Variants in ATOH8 observed in about 807,000 individuals in gnomAD.
The protein encoded by ATOH8 is transcription factor ATOH8.
In ATOH8, 9 loss-of-function variants were observed where a neutral mutation model predicts 21.2. That is an observed-to-expected ratio of 0.42 (90% CI 0.26 to 0.74). ATOH8 has a LOEUF of 0.74. Among genes scored for constraint, ATOH8 ranks in the 30% least tolerant of loss-of-function variants. The probability of loss-of-function intolerance (pLI) is 0.24; values close to 1 mark genes in which losing one functional copy is unlikely to be tolerated. For synonymous variants in ATOH8, 253 were observed against 224.0 expected, an observed-to-expected ratio of 1.13 and a Z score of -1.16; for missense variants, 524 against 470.9, an observed-to-expected ratio of 1.11 and a Z score of -1.04.
chr2:85,765,636 C>G (rs1431396564), intron 2 of ATOH8, among the ~76,000 whole-genome samples: 1 of 152,122 alleles, frequency 6.6e-6, no homozygotes, highest in Non-Finnish European at 1.5e-5. Flanking sequence ...TTCAGGCGGT[C>G]CGGAGGTGTA....
chr2:85,760,741 G>A (rs950549733), intron 1 of ATOH8: 3 of 152,246 alleles, frequency 2.0e-5, no homozygotes, highest in Admixed American at 1.3e-4. Context: ...GGTGGCCTGG[G>A]CCCAACAGTC....
At chr2:85,775,354 G>C (rs1680294285) in intron 2 of ATOH8, 1 of 963,910 alleles carries the variant, frequency 1.0e-6, no homozygotes, top group Non-Finnish European at 1.2e-6. Context: ...TTCCCTTCTA[G>C]GGAAGGATTA....
At chr2:85,755,675 T>TG (rs1035613880) in intron 1 of ATOH8, among the ~76,000 whole-genome samples, 2 of 152,084 alleles carry the variant, frequency 1.3e-5, no homozygotes, top group African/African-American at 4.8e-5. Flanking sequence ...CTTTTTAGTT[T>TG]GGGGCTGGTG....
At chr2:85,764,309 C>T (rs1246961363) in intron 2 of ATOH8, 127 bp downstream of exon 2, 2 of 1,221,178 alleles carry the variant, frequency 1.6e-6, no homozygotes, top group Admixed American at 4.9e-5. Flanking sequence ...TGGAGGTTTG[C>T]TGGGAGTTGC....
At chr2:85,765,260 G>A (rs1255923114) in intron 2 of ATOH8, among the ~76,000 whole-genome samples, 1 of 152,136 alleles carries the variant, frequency 6.6e-6, no homozygotes, top group Middle Eastern at 3.2e-3. Flanking sequence ...TTCCTTCCTG[G>A]CCTGCCCCTC....
At position 85,788,665 on chromosome 2, in the gene ATOH8, G is replaced by A. The variant is rs1680688763; in HGVS notation, c.*1775G>A. On this transcript the variant is annotated 3_prime_UTR_variant, in exon 3 of 3. Transcript: ENST00000306279. ...GGCCAAGGAAAGGGGGATAGGAGGG[G>A]ACCGGAGGCTGCAGCCATACAGGAC... Among the ~76,000 whole-genome samples, 1 of 152,200 alleles carries A rather than the reference G, an allele frequency of 6.6e-6. No individual in the cohort carries two copies. Among genetic ancestry groups the A allele is most frequent in the Admixed American group, 6.5e-5 (1 of 15,284 alleles).
In ATOH8 at chr2:85,754,626, G is replaced by C. The variant is rs749686037; in HGVS notation, c.437G>C (p.Arg146Pro). ...GGGGGCCCAGAGGCACAGCCTTTCC[G>C]GGAGCCGGGTCTGCGTCCTCGCATC... The part of the protein sequence containing the change: ...APGGPEAQPF[R>P]EPGLRPRILL... The change falls in exon 1 of 3, where the codon CGG becomes CCG. Residue 146 changes from arginine to proline, a missense_variant. Arg to Pro is a moderately radical substitution (Grantham distance 103, BLOSUM62 -2). Coordinates refer to ENST00000306279, the MANE Select transcript of ATOH8 (RefSeq NM_032827.7). 3 of 1,506,960 alleles carry C rather than the reference G, an allele frequency of 2.0e-6. No individual in the cohort carries two copies. The highest frequency in any genetic ancestry group is 2.6e-6 in the Non-Finnish European group (3 of 1,133,416). 93.3% of individuals were successfully genotyped at this position (1,506,960 alleles called of 1,614,324 possible).
chr2:85,767,580 T>TCCCCTCCCCTCCCCTCCCCTCCCCTCC (rs1680052547), intron 2 of ATOH8, among the ~76,000 whole-genome samples: 2 of 79,232 alleles, frequency 2.5e-5, no homozygotes, highest in African/African-American at 5.3e-5. Context: ...CCCTCCCCTC[T>TCCCCTCCCCTCCCCTCCCCTCCCCTCC]CCTTCCCTTC....
chr2:85,767,646 A>G (rs1680058760), intron 2 of ATOH8, among the ~76,000 whole-genome samples: 1 of 36,434 alleles, frequency 2.7e-5, no homozygotes, highest in African/African-American at 9.8e-5. Context: ...TGCAGGTACA[A>G]AATAATTTAC....
intron 2 of ATOH8, among the ~76,000 whole-genome samples, chr2:85,786,533 G>A (rs1437563857): frequency 6.6e-6 from 1 of 152,152 alleles, no homozygotes. Context: ...CCCAGGGTGG[G>A]GACGGGCCTC....
rs977741086 is a variant in ATOH8 at position 85,787,625 on chromosome 2, C to T, written c.*735C>T. 6.5e-6 allele frequency: 1 copy of T among 152,780 alleles called. No individual in the cohort carries two copies. Among genetic ancestry groups the T allele is most frequent in the Non-Finnish European group, 1.5e-5 (1 of 68,166 alleles). The allele number at this position is 152,780 out of a possible 1,614,324, so 9.5% of individuals were successfully genotyped here. On this transcript the variant is annotated 3_prime_UTR_variant, in exon 3 of 3. Coordinates refer to ENST00000306279, the MANE Select transcript of ATOH8 (RefSeq NM_032827.7). Reference sequence around the variant, plus strand: ...AAGCAGGGAGAGAAGCAATATTACTCCCTCCCCTACACCAGGGACTTGCCC... The same window carrying T: ...AAGCAGGGAGAGAAGCAATATTACTTCCTCCCCTACACCAGGGACTTGCCC...
In ATOH8 at chr2:85,754,501, C is replaced by T; in HGVS notation, c.312C>T (p.Val104=). 1 of 1,431,852 alleles carries T rather than the reference C, an allele frequency of 7.0e-7. No individual in the cohort carries two copies. The highest frequency in any genetic ancestry group is 9.1e-7 in the Non-Finnish European group (1 of 1,102,516). The allele number at this position is 1,431,852 out of a possible 1,614,324, so 88.7% of individuals were successfully genotyped here. A position where few individuals can be genotyped will look rare whatever the true frequency, so the allele number is the denominator to read the frequency against. The change falls in exon 1 of 3, where the codon GTC becomes GTT. Residue 104 remains valine, a synonymous_variant. Coordinates refer to ENST00000306279, the MANE Select transcript of ATOH8 (RefSeq NM_032827.7). The part of the protein sequence containing the change: ...GERGGSRAPE[V]SDARKRCFAL... The stretch of plus-strand genomic sequence containing the variant: ...GCGGGGGCTCTCGGGCGCCCGAGGT[C>T]TCCGACGCGCGGAAACGCTGCTTCG...
chr2:85,757,720 G>C (rs984828417), intron 1 of ATOH8, among the ~76,000 whole-genome samples: 4 of 152,066 alleles, frequency 2.6e-5, no homozygotes, highest in Non-Finnish European at 1.5e-5. Flanking sequence ...ACCTCATCCA[G>C]TGTTGAGAAG....
intron 2 of ATOH8, among the ~76,000 whole-genome samples, chr2:85,769,773 G>T (rs1321974531): frequency 6.6e-6 from 1 of 152,112 alleles, no homozygotes; most frequent in Non-Finnish European, 1.5e-5. Context: ...CCCTTCTGTG[G>T]ACTGTGGGAG....
intron 2 of ATOH8, among the ~76,000 whole-genome samples, chr2:85,786,521 A>T (rs1680624274): frequency 6.6e-6 from 1 of 151,924 alleles, no homozygotes; most frequent in Non-Finnish European, 1.5e-5. Context: ...GGAGCCTGCC[A>T]CCCCAGGGTG....
chr2:85,764,620 AG>A (rs1477529648), intron 2 of ATOH8, among the ~76,000 whole-genome samples: 1 of 152,138 alleles, frequency 6.6e-6, no homozygotes, highest in African/African-American at 2.4e-5. Flanking sequence ...GGGTTATCTG[AG>A]GCTATGCATT....
chr2:85,788,127 T>C lies in ATOH8; in HGVS notation c.*1237T>C, dbSNP rs1573541835. 1 of 151,328 alleles carries C rather than the reference T, an allele frequency of 6.6e-6. No individual in the cohort carries two copies. The highest frequency in any genetic ancestry group is 6.6e-5 in the Admixed American group (1 of 15,140). 9.4% of individuals were successfully genotyped at this position (151,328 alleles called of 1,614,324 possible). A position where few individuals can be genotyped will look rare whatever the true frequency, so the allele number is the denominator to read the frequency against. On this transcript the variant is annotated 3_prime_UTR_variant, in exon 3 of 3. Transcript: ENST00000306279. ...CTTTGGCCGGTCATCAGCTGGGGAG[T>C]GTGAGGGAGGGGGTTGGTTTCTACC... is the stretch of plus-strand genomic sequence containing the variant.
At chr2:85,757,378 C>A (rs761928754) in intron 1 of ATOH8, among the ~76,000 whole-genome samples, 1 of 152,204 alleles carries the variant, frequency 6.6e-6, no homozygotes, top group South Asian at 2.1e-4. Context: ...TACTCCGCAC[C>A]CCCTCCCCGA....
chr2:85,764,050 T>A lies in ATOH8; in HGVS notation c.828T>A (p.Cys276Ter). Residue 276 changes from cysteine to a stop codon, truncating the protein, a stop_gained, in exon 2 of 3, where the codon TGT becomes TGA. Coordinates refer to ENST00000306279, the MANE Select transcript of ATOH8 (RefSeq NM_032827.7). LOFTEE classifies it high-confidence loss of function. ...AACTGGCCATCCTGAGGATCGCCTG[T>A]AACTACATCCTGTCCCTGGCGCGGC... ...LSKLAILRIA[C>*]NYILSLARLA... 6.2e-7 allele frequency: 1 copy of A among 1,614,178 alleles called. No homozygotes were observed. The highest frequency in any genetic ancestry group is 8.5e-7 in the Non-Finnish European group (1 of 1,180,040).
Sources: gnomAD v4.1 joint callset for allele counts (sites outside exome capture counted in the v4.1 genomes callset) on GRCh38, gnomAD v4.1.1 for gene constraint, MANE v1.5 for transcripts, NCBI Gene and HGNC (gene_info 2026-07-23, HGNC 2026-07-21) for gene names.